EXOC2: variants seen among roughly 807,000 people sequenced by gnomAD.
EXOC2 encodes the protein exocyst complex component 2, also known as SEC5-like 1.
Under a neutral mutation model 131.8 loss-of-function variants are expected in EXOC2, and 70 were observed. The ratio of observed to expected loss-of-function variants is 0.53; its 90% CI spans 0.44 to 0.65. The LOEUF is 0.65. Among genes scored for constraint, EXOC2 ranks in the 30% least tolerant of loss-of-function variants. The probability of loss-of-function intolerance (pLI) is 0.00; values close to 1 mark genes in which losing one functional copy is unlikely to be tolerated. For synonymous variants in EXOC2, 411 were observed against 398.4 expected (o/e 1.03, Z -0.38); for missense variants, 923 against 1,108.6 (o/e 0.83, Z 2.38).
At chr6:558,740 G>A (rs921604353) in intron 17 of EXOC2, among the ~76,000 whole-genome samples, 2 of 152,042 alleles carry the variant, frequency 1.3e-5, no homozygotes, top group East Asian at 3.8e-4. Flanking sequence ...TTGAACCAGG[G>A]AGGCAGATGT....
chr6:570,350 A>G (rs992842563), intron 13 of EXOC2, among the ~76,000 whole-genome samples: 3 of 152,174 alleles, frequency 2.0e-5, no homozygotes, highest in South Asian at 2.1e-4. Flanking sequence ...AGCCAGGATG[A>G]TTTCAATCTC....
At position 576,531 on chromosome 6, in the gene EXOC2, C is replaced by T. The variant is rs565884198; in HGVS notation, c.1318+226G>A. On this transcript the variant is annotated intron_variant, in intron 12 of 27. Transcript: ENST00000230449. ...TTGAACTAAATATGTTTAATAAGCA[C>T]TGACCTGCACCCAATGACTTAAAAA... 2.0e-5 allele frequency among the ~76,000 whole-genome samples: 3 copies of T among 152,150 alleles called. No individual in the cohort carries two copies. In the South Asian group the frequency reaches 6.2e-4, roughly 32 times the overall value.
At position 592,523 on chromosome 6, in the gene EXOC2, A is replaced by G; in HGVS notation, c.1138T>C (p.Trp380Arg). Residue 380 changes from tryptophan to arginine, a missense_variant, in exon 11 of 28, where the codon TGG becomes CGG. Trp to Arg is a moderately radical substitution (Grantham distance 101). Coordinates refer to ENST00000230449, the MANE Select transcript of EXOC2 (RefSeq NM_018303.6). Reference sequence around the variant, plus strand: ...CAACTGTGCATGAGCTGAAGGATCCACTTGTGTTGGGCTCCAATGCATTGC... The same window carrying G: ...CAACTGTGCATGAGCTGAAGGATCCGCTTGTGTTGGGCTCCAATGCATTGC... ...AWQCIGAQHK[W>R]ILQLMHSCKE... is the part of the protein sequence containing the mutation. 6.2e-7 allele frequency: 1 copy of G among 1,614,098 alleles called. No individual in the cohort carries two copies. Among genetic ancestry groups the G allele is most frequent in the South Asian group, 1.1e-5 (1 of 91,084 alleles).
intron 11 of EXOC2, among the ~76,000 whole-genome samples, chr6:588,317 C>G (rs1018270510): frequency 2.0e-5 from 3 of 152,162 alleles, no homozygotes; most frequent in Non-Finnish European, 2.9e-5. Context: ...GTCATTAAAA[C>G]TGTAAAGTTC....
chr6:576,657 C>T, intron 12 of EXOC2, 100 bp downstream of exon 12: 1 of 1,410,858 alleles, frequency 7.1e-7, no homozygotes, highest in South Asian at 1.3e-5. Flanking sequence ...TACTTAGCAC[C>T]AGTATCAACA....
At chr6:628,398 C>T (rs184585306) in intron 4 of EXOC2, among the ~76,000 whole-genome samples, 7 of 152,282 alleles carry the variant, frequency 4.6e-5, no homozygotes, top group East Asian at 1.9e-4. Flanking sequence ...TGCTGTTAGA[C>T]GCAGTTCAGG....
chr6:598,267 G>A (rs79385517), intron 9 of EXOC2, 144 bp from the exon 10 acceptor site: 36,621 of 620,556 alleles, frequency 0.059, 1,959 homozygotes, highest in African/African-American at 0.21. Context: ...CACTATCTCC[G>A]ATGTAGGTTA....
intron 23 of EXOC2, among the ~76,000 whole-genome samples, chr6:527,856 G>A (rs1765835495): frequency 3.3e-5 from 5 of 151,496 alleles, no homozygotes; most frequent in African/African-American, 1.2e-4. Context: ...AAATTTTTAT[G>A]ACTTTTTGAT....
At chr6:493,095 A>G (rs1306398360) in intron 25 of EXOC2, among the ~76,000 whole-genome samples, 1 of 152,218 alleles carries the variant, frequency 6.6e-6, no homozygotes, top group Non-Finnish European at 1.5e-5. Flanking sequence ...TAAAAGAAAT[A>G]TCCCTTATTC....
intron 24 of EXOC2, among the ~76,000 whole-genome samples, 155 bp downstream of exon 24, chr6:499,490 G>A (rs1763923278): frequency 6.7e-6 from 1 of 150,140 alleles, no homozygotes; most frequent in Non-Finnish European, 1.5e-5. Context: ...GAGAGAGACA[G>A]ACAGTGCGAG....
At chr6:657,625 T>C (rs934102928) in intron 1 of EXOC2, among the ~76,000 whole-genome samples, 6 of 152,214 alleles carry the variant, frequency 3.9e-5, no homozygotes, top group African/African-American at 1.4e-4. Context: ...AATTCAGAAG[T>C]GAAGTGCTGG....
intron 6 of EXOC2, among the ~76,000 whole-genome samples, chr6:613,937 T>C (rs747954191): frequency 6.6e-6 from 1 of 151,952 alleles, no homozygotes; most frequent in African/African-American, 2.4e-5. Flanking sequence ...CTGCCACATG[T>C]AGCAACACAA....
chr6:559,383 T>C (rs1757583057), intron 17 of EXOC2, among the ~76,000 whole-genome samples: 1 of 151,772 alleles, frequency 6.6e-6, no homozygotes, highest in Non-Finnish European at 1.5e-5. Context: ...TTTCTAAACA[T>C]TGATTCACGT....
chr6:656,507 C>T, intron 1 of EXOC2: 1 of 1,604,876 alleles, frequency 6.2e-7, no homozygotes, highest in Non-Finnish European at 8.5e-7. Context: ...GGCTGGGCGG[C>T]AGGCAGTCCC....
chr6:676,789 T>C (rs1170470265), intron 1 of EXOC2, among the ~76,000 whole-genome samples: 1 of 87,282 alleles, frequency 1.1e-5, no homozygotes, highest in Non-Finnish European at 2.7e-5. Context: ...CGGGAGACTC[T>C]GCGGTTCCCC....
At position 617,758 on chromosome 6, in the gene EXOC2, A is replaced by C; in HGVS notation, c.614T>G (p.Val205Gly). The change falls in exon 6 of 28, where the codon GTG (valine) becomes GGG (glycine). Residue 205 changes from valine to glycine, a missense_variant. Coordinates refer to ENST00000230449, the MANE Select transcript of EXOC2 (RefSeq NM_018303.6). Reference protein sequence around the residue: ...NKKSEGSLAYVKGGLSTFFEA... With the variant: ...NKKSEGSLAYGKGGLSTFFEA... ...GAAGAATGTACTGAGACCGCCTTTCACATAGGCCAGGCTGCCCTCACTCTT... is the reference window on the plus strand; with the variant it reads ...GAAGAATGTACTGAGACCGCCTTTCCCATAGGCCAGGCTGCCCTCACTCTT... The C allele has an allele frequency of 1.9e-6, 3 of 1,613,630 alleles. No homozygotes were observed. The highest frequency in any genetic ancestry group is 2.5e-6 in the Non-Finnish European group (3 of 1,179,780).
intron 11 of EXOC2, among the ~76,000 whole-genome samples, chr6:585,876 G>A (rs1324280145): frequency 3.9e-5 from 6 of 152,094 alleles, no homozygotes; most frequent in African/African-American, 1.4e-4. Flanking sequence ...TTCTGCTAGT[G>A]GATTTACCTA....
At chr6:549,012 G>A (rs1454759963) in intron 22 of EXOC2, among the ~76,000 whole-genome samples, 163 bp downstream of exon 22, 1 of 152,148 alleles carries the variant, frequency 6.6e-6, no homozygotes, top group East Asian at 1.9e-4. Context: ...GGAAGGAAGG[G>A]AATCATCCAA....
chr6:544,374 G>A (rs1756717943), intron 22 of EXOC2, among the ~76,000 whole-genome samples: 1 of 152,112 alleles, frequency 6.6e-6, no homozygotes, highest in Non-Finnish European at 1.5e-5. Context: ...TTCCCTTCCT[G>A]TTTGAACAAG....
Sources: allele counts gnomAD v4.1 joint callset (sites outside exome capture counted in the v4.1 genomes callset), GRCh38; gene constraint gnomAD v4.1.1; transcripts MANE v1.5; gene names NCBI Gene and HGNC (gene_info 2026-07-23, HGNC 2026-07-21).